The following CCPG1 variants were observed in gnomAD, a reference collection of about 807,000 sequenced individuals.
CCPG1 encodes cell cycle progression 1.
CCPG1 carries 46 observed loss-of-function variants against 81.3 expected under a neutral mutation model. That is an observed-to-expected ratio of 0.57 (90% confidence interval 0.45 to 0.72). The LOEUF is 0.72. CCPG1 is among the 30% of genes least tolerant of loss of function. The probability of loss-of-function intolerance (pLI) is 0.00; values close to 1 mark genes in which losing one functional copy is unlikely to be tolerated. For synonymous variants in CCPG1, 330 were observed against 305.2 expected (o/e 1.08, Z -0.85); for missense variants, 902 against 937.6 (o/e 0.96, Z 0.50).
intron 3 of CCPG1, among the ~76,000 whole-genome samples, chr15:55,383,733 C>T (rs1193093030): frequency 2.0e-5 from 3 of 152,194 alleles, no homozygotes; most frequent in Non-Finnish European, 4.4e-5. Context: ...CATGAACCAA[C>T]CTCAGCTAGC....
chr15:55,391,847 G>C (rs1462667963), intron 1 of CCPG1, among the ~76,000 whole-genome samples: 1 of 128,062 alleles, frequency 7.8e-6, no homozygotes, highest in East Asian at 2.8e-4. Context: ...TCCAGACTGG[G>C]TAATACAGTG....
intron 1 of CCPG1, among the ~76,000 whole-genome samples, chr15:55,406,436 CTTTTTTTTTTTTTGTTTT>C (rs1595873414): frequency 7.9e-6 from 1 of 126,274 alleles, no homozygotes; most frequent in South Asian, 2.4e-4. Flanking sequence ...TTCTTTTTCT[CTTTTTTTTTTTTTGTTTT>C]TTTTTTTTTG....
intron 5 of CCPG1, chr15:55,373,173 T>A: frequency 5.0e-6 from 2 of 402,846 alleles, no homozygotes; most frequent in Non-Finnish European, 9.6e-6. Flanking sequence ...TTCAGTTTTT[T>A]CCAAATGCAT....
chr15:55,389,470 T>C, intron 1 of CCPG1, 37 bp from the exon 2 acceptor site: 1 of 1,362,064 alleles, frequency 7.3e-7, no homozygotes, highest in Non-Finnish European at 1.0e-6. Context: ...ATGAGACACA[T>C]TTTTTTTAAT....
At chr15:55,393,719 T>C (rs1017183212) in intron 1 of CCPG1, among the ~76,000 whole-genome samples, 19 of 151,922 alleles carry the variant, frequency 1.3e-4, no homozygotes, top group Admixed American at 1.2e-3. Context: ...GATGGGAAAA[T>C]AGGGTCTGGA....
intron 2 of CCPG1, among the ~76,000 whole-genome samples, chr15:55,387,691 T>G (rs2056828385): frequency 6.6e-6 from 1 of 151,700 alleles, no homozygotes; most frequent in Non-Finnish European, 1.5e-5. Flanking sequence ...ATTACAGGCA[T>G]GTGCGACCAC....
chr15:55,407,038 C>CCCCCCCCG (rs1199792083), intron 1 of CCPG1, among the ~76,000 whole-genome samples: 8 of 112,104 alleles, frequency 7.1e-5, no homozygotes, highest in African/African-American at 3.4e-4. Context: ...CACGTTGAGA[C>CCCCCCCCG]CCCCCCCCCC....
intron 1 of CCPG1, among the ~76,000 whole-genome samples, chr15:55,396,411 T>A (rs1006923284): frequency 6.6e-6 from 1 of 152,202 alleles, no homozygotes; most frequent in Non-Finnish European, 1.5e-5. Flanking sequence ...CTCAGAGTAG[T>A]TTCTTTAACT....
intron 1 of CCPG1, among the ~76,000 whole-genome samples, chr15:55,395,526 T>C (rs1187320363): frequency 6.6e-6 from 1 of 152,058 alleles, no homozygotes; most frequent in African/African-American, 2.4e-5. Flanking sequence ...TGCCCAACCT[T>C]CTCAGTTCCC....
At chr15:55,397,849 T>C (rs755727401) in intron 1 of CCPG1, among the ~76,000 whole-genome samples, 8 of 152,016 alleles carry the variant, frequency 5.3e-5, no homozygotes, top group Admixed American at 2.6e-4. Flanking sequence ...GTCTGGTGGA[T>C]GCCTGTAGTC....
rs1391068839 is a variant in CCPG1 at position 55,360,148 on chromosome 15, T to C, written c.1625A>G (p.Asn542Ser). Residue 542 changes from asparagine (N) to serine (S), a missense_variant, in exon 8 of 9, where the codon AAT becomes AGT. Asn to Ser is a conservative substitution (Grantham distance 46, BLOSUM62 1). Transcript: ENST00000442196. Reference protein sequence around the residue: ...TFRHFKDTTKNIFDEKGNKRF... With the variant: ...TFRHFKDTTKSIFDEKGNKRF... Reference sequence around the variant, plus strand: ...TTTATTACCCTTTTCATCAAAGATATTCTTGGTGGTATCTTTAAAGTGTCT... The same window carrying C: ...TTTATTACCCTTTTCATCAAAGATACTCTTGGTGGTATCTTTAAAGTGTCT... The C allele has an allele frequency of 1.9e-6, 3 of 1,613,536 alleles. No homozygotes were observed. The highest frequency in any genetic ancestry group is 3.3e-5 in the Admixed American group (2 of 59,880).
intron 1 of CCPG1, among the ~76,000 whole-genome samples, chr15:55,394,800 T>C (rs1274816499): frequency 6.6e-6 from 1 of 151,548 alleles, no homozygotes; most frequent in Non-Finnish European, 1.5e-5. Context: ...TCCTAGATAG[T>C]ATTAAGAAGC....
intron 3 of CCPG1, among the ~76,000 whole-genome samples, chr15:55,380,535 G>A (rs564197246): frequency 6.6e-6 from 1 of 151,702 alleles, no homozygotes; most frequent in South Asian, 2.1e-4. Flanking sequence ...GACCCCGTAA[G>A]CCGCCCGCCT....
At chr15:55,396,761 T>C (rs2057024807) in intron 1 of CCPG1, among the ~76,000 whole-genome samples, 1 of 152,136 alleles carries the variant, frequency 6.6e-6, no homozygotes. Context: ...TGAGCAAAGA[T>C]TTGAATGAGT....
intron 6 of CCPG1, among the ~76,000 whole-genome samples, chr15:55,371,504 G>A (rs924156416): frequency 2.6e-5 from 4 of 152,166 alleles, no homozygotes; most frequent in African/African-American, 7.2e-5. Flanking sequence ...GCCTCATGGT[G>A]AGCATTTCAG....
rs1487487219 is a variant in CCPG1 at position 55,356,004 on chromosome 15, T to C, written c.*216A>G. The C allele has an allele frequency of 2.0e-6, 1 of 511,588 alleles. No homozygotes were observed. Among genetic ancestry groups the C allele is most frequent in the African/African-American group, 2.0e-5 (1 of 49,662 alleles). 31.7% of individuals were successfully genotyped at this position (511,588 alleles called of 1,614,324 possible). A position where few individuals can be genotyped will look rare whatever the true frequency, so the allele number is the denominator to read the frequency against. On this transcript the variant is annotated 3_prime_UTR_variant, in exon 9 of 9. Coordinates refer to ENST00000442196, the MANE Select transcript of CCPG1 (RefSeq NM_001204450.2). The stretch of plus-strand genomic sequence containing the variant: ...TAAAACTACAGTTGAACATTTCCAG[T>C]GTCAAAAAAAATTCAACGAAGCTAA...
intron 5 of CCPG1, among the ~76,000 whole-genome samples, chr15:55,373,236 C>G (rs1243230120): frequency 6.6e-6 from 1 of 152,142 alleles, no homozygotes; most frequent in Non-Finnish European, 1.5e-5. Flanking sequence ...GACACAGAAG[C>G]TTCAATTACT....
chr15:55,365,306 G>A lies in CCPG1; in HGVS notation c.710C>T (p.Thr237Ile). 2.6e-6 allele frequency: 4 copies of A among 1,512,812 alleles called. No individual in the cohort carries two copies. Among genetic ancestry groups the A allele is most frequent in the Non-Finnish European group, 2.7e-6 (3 of 1,108,714 alleles). 93.7% of individuals were successfully genotyped at this position (1,512,812 alleles called of 1,614,324 possible). ...ISMGFGHFYG[T>I]IQIQKRQQLV... ...CTGTTGACGCTTCTGAATCTGAATT[G>A]TGCCTAAAATAAATATTTTTATTAA... Residue 237 changes from threonine (T) to isoleucine (I), a missense_variant, in exon 7 of 9, where the codon ACA becomes ATA. By Grantham distance (89) the Thr-to-Ile change is moderately conservative. This residue lies in a region of CCPG1 where 746 missense variants were observed against 728.6 expected (regional missense o/e 1.02). Transcript: ENST00000442196.
At chr15:55,378,427 G>C in intron 3 of CCPG1, 51 bp from the exon 4 acceptor site, 1 of 1,160,926 alleles carries the variant, frequency 8.6e-7, no homozygotes, top group Non-Finnish European at 1.3e-6. Flanking sequence ...AAAACTCTCT[G>C]TTGACTTTCT....
Sources: gnomAD v4.1 joint callset for allele counts (sites outside exome capture counted in the v4.1 genomes callset) on GRCh38, gnomAD v4.1.1 for gene constraint, gnomAD v4.1.1 regional missense constraint, MANE v1.5 for transcripts, NCBI Gene and HGNC (gene_info 2026-07-23, HGNC 2026-07-21) for gene names.